The following PACRGL variants were observed in gnomAD, a reference collection of about 807,000 sequenced individuals.
PACRGL encodes the protein PACRG-like protein.
In PACRGL, 38 loss-of-function variants were observed where a neutral mutation model predicts 34.5. That is an observed-to-expected ratio of 1.10 (90% CI 0.85 to 1.44). The LOEUF (loss-of-function observed/expected upper bound fraction) is 1.44, where lower values mean the gene tolerates loss of function less well. Ranked by LOEUF, PACRGL falls within the 40% of genes most tolerant of loss-of-function variation. The pLI is 0.00. For synonymous variants in PACRGL, 128 were observed against 100.1 expected (o/e 1.28, Z -1.66); for missense variants, 305 against 281.4 (o/e 1.08, Z -0.60).
chr4:20,714,609 A>T (rs1196270477), intron 7 of PACRGL, among the ~76,000 whole-genome samples: 1 of 152,086 alleles, frequency 6.6e-6, no homozygotes, highest in Non-Finnish European at 1.5e-5. Flanking sequence ...GGTCTTTACA[A>T]TTTGGCATGA....
chr4:20,740,191 C>G (rs1192605045), intron 8 of PACRGL, among the ~76,000 whole-genome samples: 1 of 152,068 alleles, frequency 6.6e-6, no homozygotes, highest in Non-Finnish European at 1.5e-5. Flanking sequence ...ACTTGCGCAA[C>G]CTAGCAAGTC....
At chr4:20,748,894 G>GTGTATATATA (rs1160169512) in intron 8 of PACRGL, among the ~76,000 whole-genome samples, 52 of 145,260 alleles carry the variant, frequency 3.6e-4, no homozygotes, top group African/African-American at 1.0e-3. Context: ...GTGTGTGTGT[G>GTGTATATATA]TATATATATA....
downstream of PACRGL, among the ~76,000 whole-genome samples, chr4:20,754,338 G>T (rs1754140971): frequency 6.6e-6 from 1 of 152,096 alleles, no homozygotes; most frequent in Non-Finnish European, 1.5e-5. Context: ...CACTTTCCTG[G>T]AGGAAATGGT....
downstream of PACRGL, among the ~76,000 whole-genome samples, chr4:20,737,117 A>G (rs978115998): frequency 6.6e-5 from 10 of 152,086 alleles, no homozygotes; most frequent in African/African-American, 2.2e-4. Flanking sequence ...TTTGCTTCCC[A>G]TTGGCATGAA....
rs1220692996 is a variant in PACRGL, at chr4:20,704,497, G to C, written c.16G>C (p.Gly6Arg). The change falls in exon 2 of 9, where the codon GGC becomes CGC. Residue 6 changes from glycine (G) to arginine (R), a missense_variant. Transcript: ENST00000503585. MQKSE[G>R]SGGTQLKNRA... ...AAGGGAAGCAATGCAGAAATCAGAG[G>C]GCTCTGGAGGTACACAGTTGAAAAA... 1 of 1,613,820 alleles carries C rather than the reference G, an allele frequency of 6.2e-7. No homozygotes were observed. The highest frequency in any genetic ancestry group is 8.5e-7 in the Non-Finnish European group (1 of 1,179,944).
chr4:20,743,110 A>G (rs1751562278), intron 8 of PACRGL, among the ~76,000 whole-genome samples: 1 of 150,868 alleles, frequency 6.6e-6, no homozygotes. Flanking sequence ...GCTCAATGAA[A>G]TAAAAGAGGA....
chr4:20,750,451 C>A (rs529419050), intron 8 of PACRGL, among the ~76,000 whole-genome samples: 1 of 152,112 alleles, frequency 6.6e-6, no homozygotes, highest in Non-Finnish European at 1.5e-5. Flanking sequence ...TAGGGAGCCC[C>A]TACTCTGTCT....
downstream of PACRGL, chr4:20,732,886 CTTTT>C (rs1189578031): frequency 7.0e-6 from 5 of 717,140 alleles, no homozygotes; most frequent in East Asian, 1.1e-4. Flanking sequence ...AAATTTTTGA[CTTTT>C]TGTTTGTTGG....
chr4:20,748,102 CT>C (rs1752752274), intron 8 of PACRGL, among the ~76,000 whole-genome samples: 1 of 152,204 alleles, frequency 6.6e-6, no homozygotes, highest in South Asian at 2.1e-4. Flanking sequence ...GAATATAGCT[CT>C]GATAAATTCA....
chr4:20,755,757 A>G (rs1754362954), downstream of PACRGL, among the ~76,000 whole-genome samples: 2 of 152,162 alleles, frequency 1.3e-5, no homozygotes, highest in African/African-American at 4.8e-5. Flanking sequence ...TGCAAAGGTG[A>G]TGAGATATTG....
chr4:20,712,885 T>G lies in PACRGL; in HGVS notation c.464T>G (p.Leu155Trp). ...VKGAPEKAIP[L>W]LPRLIPVLKA... The stretch of plus-strand genomic sequence containing the variant: ...GGTGCTCCTGAAAAAGCTATTCCTT[T>G]GCTACCTAGACTGATTCCTGTGCTA... The change falls in exon 6 of 9, where the codon TTG becomes TGG. Residue 155 changes from leucine (L) to tryptophan (W), a missense_variant. Leu to Trp is a moderately conservative substitution (Grantham distance 61). Coordinates refer to ENST00000503585, the MANE Select transcript of PACRGL (RefSeq NM_001258345.3). 1 of 1,605,308 alleles carries G rather than the reference T, an allele frequency of 6.2e-7. No homozygotes were observed. Among genetic ancestry groups the G allele is most frequent in the South Asian group, 1.1e-5 (1 of 89,426 alleles).
intron 7 of PACRGL, among the ~76,000 whole-genome samples, chr4:20,723,222 CA>C (rs1338055003): frequency 3.3e-5 from 5 of 152,136 alleles, no homozygotes; most frequent in African/African-American, 1.2e-4. Context: ...AGCTTCATGT[CA>C]GGGGGTGTGG....
chr4:20,712,823 G>A lies in PACRGL; in HGVS notation c.402G>A (p.Val134=). Residue 134 remains valine, a synonymous_variant, in exon 6 of 9, where the codon GTG becomes GTA. Transcript: ENST00000503585. ...AGACTAAGCATCCATACACTTTTGT[G>A]TCAAAGGAGGGTTTTAGAGAATTAC... The part of the protein sequence containing the change: ...LRETKHPYTF[V]SKEGFRELLL... 6.3e-7 allele frequency: 1 copy of A among 1,596,768 alleles called. No individual in the cohort carries two copies. Among genetic ancestry groups the A allele is most frequent in the Non-Finnish European group, 8.5e-7 (1 of 1,169,728 alleles).
downstream of PACRGL, among the ~76,000 whole-genome samples, chr4:20,754,414 A>T (rs1201064836): frequency 6.6e-6 from 1 of 152,188 alleles, no homozygotes; most frequent in Non-Finnish European, 1.5e-5. Flanking sequence ...TTGCATTCAG[A>T]CCATCATCCT....
chr4:20,703,511 T>TGTGTG (rs59363888), intron 1 of PACRGL, among the ~76,000 whole-genome samples: 11 of 95,556 alleles, frequency 1.2e-4, no homozygotes, highest in African/African-American at 2.7e-4. Flanking sequence ...TGTGTGTGTG[T>TGTGTG]TTGTGTGTGT....
At chr4:20,748,172 T>C (rs1245120824) in intron 8 of PACRGL, among the ~76,000 whole-genome samples, 2 of 152,160 alleles carry the variant, frequency 1.3e-5, no homozygotes, top group Non-Finnish European at 2.9e-5. Context: ...TCCAATCTCC[T>C]GCCTAAGACA....
chr4:20,711,084 A>T (rs9995697), intron 5 of PACRGL, among the ~76,000 whole-genome samples: 1 of 151,680 alleles, frequency 6.6e-6, no homozygotes, highest in African/African-American at 2.4e-5. Flanking sequence ...TGCTATCTCA[A>T]ACACACACAC....
intron 1 of PACRGL, chr4:20,701,863 C>T (rs1416914001): frequency 2.2e-6 from 1 of 456,158 alleles, no homozygotes; most frequent in African/African-American, 2.0e-5. Context: ...ATACGGAGAG[C>T]CAACTGTAAT....
intron 8 of PACRGL, among the ~76,000 whole-genome samples, chr4:20,745,826 A>G (rs993244665): frequency 5.3e-5 from 8 of 152,156 alleles, no homozygotes; most frequent in Non-Finnish European, 8.8e-5. Flanking sequence ...CTGCCAATCA[A>G]AGACTGCTAT....
Sources: gnomAD v4.1 joint callset for allele counts (sites outside exome capture counted in the v4.1 genomes callset) on GRCh38, gnomAD v4.1.1 for gene constraint, MANE v1.5 for transcripts, NCBI Gene and HGNC (gene_info 2026-07-23, HGNC 2026-07-21) for gene names.